The following EYA4 variants were observed in gnomAD, a reference collection of about 807,000 sequenced individuals.
EYA4 encodes protein phosphatase EYA4.
In EYA4, 31 loss-of-function variants were observed where a neutral mutation model predicts 87.9. The ratio of observed to expected loss-of-function variants is 0.35; its 90% CI spans 0.27 to 0.48. EYA4 has a LOEUF of 0.48. Among genes scored for constraint, EYA4 ranks in the 20% least tolerant of loss-of-function variants. EYA4 has a pLI of 0.99. For synonymous variants in EYA4, 263 were observed against 270.6 expected (o/e 0.97, Z 0.28); for missense variants, 678 against 761.4 (o/e 0.89, Z 1.29).
At chr6:133,251,239 A>C (rs1774874833) in intron 1 of EYA4, among the ~76,000 whole-genome samples, 1 of 152,344 alleles carries the variant, frequency 6.6e-6, no homozygotes, top group South Asian at 2.1e-4. Context: ...GCCAATATTT[A>C]AGTTTCCTCA....
chr6:133,299,484 G>A (rs1395114807), intron 2 of EYA4, among the ~76,000 whole-genome samples: 1 of 151,844 alleles, frequency 6.6e-6, no homozygotes, highest in Non-Finnish European at 1.5e-5. Context: ...GGCCGAGGTG[G>A]GTGGATCACG....
At chr6:133,282,362 A>G (rs1777694308) in intron 2 of EYA4, among the ~76,000 whole-genome samples, 1 of 152,076 alleles carries the variant, frequency 6.6e-6, no homozygotes, top group African/African-American at 2.4e-5. Context: ...GCATTTGTTC[A>G]TGTTTGTTGG....
At chr6:133,494,114 A>G (rs1232408780) in intron 13 of EYA4, among the ~76,000 whole-genome samples, 1 of 152,164 alleles carries the variant, frequency 6.6e-6, no homozygotes, top group East Asian at 1.9e-4. Flanking sequence ...TCAAAGAGGT[A>G]TTTGCACTCC....
chr6:133,363,235 A>T (rs1452247922), intron 2 of EYA4: 1 of 152,176 alleles, frequency 6.6e-6, no homozygotes, highest in Non-Finnish European at 1.5e-5. Context: ...GAGTCTCCTG[A>T]CCAGGAAGAG....
intron 3 of EYA4, among the ~76,000 whole-genome samples, chr6:133,387,524 A>T (rs211602): frequency 0.86 from 130,562 of 152,202 alleles, 57,012 homozygotes; most frequent in Non-Finnish European, 0.94. Context: ...GGTTGTACAG[A>T]CCACAGAATT....
intron 1 of EYA4, among the ~76,000 whole-genome samples, chr6:133,272,361 A>C (rs1186399155): frequency 2.0e-5 from 3 of 152,200 alleles, no homozygotes; most frequent in Non-Finnish European, 2.9e-5. Context: ...CCACTTCCTC[A>C]TGAACTTACT....
intron 2 of EYA4, among the ~76,000 whole-genome samples, chr6:133,338,811 A>T (rs1308576538): frequency 6.6e-6 from 1 of 151,614 alleles, no homozygotes; most frequent in Admixed American, 6.6e-5. Flanking sequence ...GGATGCACAT[A>T]CACATAATAC....
intron 3 of EYA4, among the ~76,000 whole-genome samples, chr6:133,441,671 G>A (rs963840695): frequency 6.6e-6 from 1 of 152,114 alleles, no homozygotes; most frequent in East Asian, 1.9e-4. Flanking sequence ...TGGTTATCCA[G>A]GGTGGAGAAT....
chr6:133,284,347 T>G (rs1455638435), intron 2 of EYA4, among the ~76,000 whole-genome samples: 1 of 152,202 alleles, frequency 6.6e-6, no homozygotes, highest in East Asian at 1.9e-4. Flanking sequence ...ATAATTTTTG[T>G]ATTTTTAGTG....
chr6:133,486,606 A>AAAC (rs1274442442), intron 13 of EYA4, among the ~76,000 whole-genome samples: 2 of 152,362 alleles, frequency 1.3e-5, no homozygotes, highest in East Asian at 3.9e-4. Flanking sequence ...GAAGAAAATA[A>AAAC]AACTAGGTCG....
chr6:133,257,641 A>G (rs1775446210), intron 1 of EYA4, among the ~76,000 whole-genome samples: 2 of 152,212 alleles, frequency 1.3e-5, no homozygotes, highest in Non-Finnish European at 2.9e-5. Context: ...GAGGGAATTA[A>G]ATTTCAAGCA....
chr6:133,321,543 A>G (rs1001491385), intron 2 of EYA4, among the ~76,000 whole-genome samples: 2 of 152,214 alleles, frequency 1.3e-5, no homozygotes, highest in Non-Finnish European at 2.9e-5. Context: ...GAGGAAGACA[A>G]GGAACTTTCC....
At chr6:133,443,431 A>C (rs1792503692) in intron 3 of EYA4, among the ~76,000 whole-genome samples, 2 of 152,034 alleles carry the variant, frequency 1.3e-5, no homozygotes, top group Non-Finnish European at 2.9e-5. Flanking sequence ...ATAGTTTATA[A>C]TACTTCCTTA....
intron 3 of EYA4, among the ~76,000 whole-genome samples, chr6:133,415,669 A>G (rs1056563542): frequency 5.9e-5 from 9 of 152,202 alleles, no homozygotes; most frequent in African/African-American, 1.9e-4. Context: ...TGCACAATTT[A>G]CTTAGTTATT....
At position 133,322,078 on chromosome 6, in the gene EYA4, C is replaced by T. The variant is rs185871733; in HGVS notation, c.33+47265C>T. Among the ~76,000 whole-genome samples the T allele has an allele frequency of 5.6e-4, 85 of 152,266 alleles. 2 individuals are homozygous for T. The highest frequency in any genetic ancestry group is 5.2e-3 in the South Asian group (25 of 4,828). On this transcript the variant is annotated intron_variant, in intron 2 of 19. Coordinates refer to ENST00000355286, the MANE Select transcript of EYA4 (RefSeq NM_004100.5). The stretch of plus-strand genomic sequence containing the variant: ...GAGCCAGAGGGCTTATGTCAGTGAT[C>T]AAATGTGTCATCTTGTTTGGAAGCA...
intron 1 of EYA4, among the ~76,000 whole-genome samples, chr6:133,246,073 T>C (rs9483563): frequency 0.023 from 3,458 of 152,330 alleles, 110 homozygotes; most frequent in African/African-American, 0.069. Context: ...CATTTTGTGT[T>C]ATCAAAACCA....
intron 2 of EYA4, among the ~76,000 whole-genome samples, chr6:133,285,479 G>A (rs9385643): frequency 0.59 from 89,484 of 152,032 alleles, 27,885 homozygotes; most frequent in African/African-American, 0.79. Flanking sequence ...AAATAAGGCT[G>A]CAAAGGTAAT....
intron 2 of EYA4, among the ~76,000 whole-genome samples, chr6:133,355,684 T>C (rs1181658503): frequency 6.6e-6 from 1 of 152,220 alleles, no homozygotes; most frequent in Non-Finnish European, 1.5e-5. Context: ...TCTAAAGAGA[T>C]TTGTATTGTT....
chr6:133,489,058 T>C (rs1457712479), intron 13 of EYA4, among the ~76,000 whole-genome samples: 2 of 152,006 alleles, frequency 1.3e-5, no homozygotes, highest in African/African-American at 4.8e-5. Flanking sequence ...TTAACAAAGA[T>C]ATTGAAGTAA....
Sources: allele counts gnomAD v4.1 joint callset (sites outside exome capture counted in the v4.1 genomes callset), GRCh38; gene constraint gnomAD v4.1.1; transcripts MANE v1.5; gene names NCBI Gene and HGNC (gene_info 2026-07-23, HGNC 2026-07-21).